Variants in TTC28 observed in about 807,000 individuals in gnomAD.
TTC28 encodes the protein tetratricopeptide repeat protein 28.
In TTC28, 61 loss-of-function variants were observed where a neutral mutation model predicts 198.0. The ratio of observed to expected loss-of-function variants is 0.31; its 90% confidence interval spans 0.25 to 0.38. The LOEUF is 0.38. Ranked by LOEUF, TTC28 falls within the 10% of genes least tolerant of loss-of-function variation. The pLI, the probability that TTC28 is intolerant of heterozygous loss-of-function variation, is 1.00. For synonymous variants in TTC28, 1,171 were observed against 1,297.8 expected, an observed-to-expected ratio of 0.90 and a Z score of 2.10; for missense variants, 2,678 against 3,164.0, an observed-to-expected ratio of 0.85 and a Z score of 3.69.
rs1569083439 is a variant in TTC28, at chr22:28,014,295, G to A, written c.4171C>T (p.Pro1391Ser). The change falls in exon 14 of 23, where the codon CCC (proline) becomes TCC (serine). Residue 1391 changes from proline (P) to serine (S), a missense_variant. By Grantham distance (74) the Pro-to-Ser change is moderately conservative (BLOSUM62 -1). Around this residue, in one of 8 missense-constraint regions of TTC28, gnomAD observed 727 missense variants for 861.9 expected, o/e 0.84. Coordinates refer to ENST00000397906, the MANE Select transcript of TTC28 (RefSeq NM_001145418.2). ...AGGTCATACAGGGCACGGAGCGGGG[G>A]CTTGGCAAACGAGCTCTGCCTCCTG... ...LPRRQSSFAK[P>S]PLRALYDLLI... 6.4e-7 allele frequency: 1 copy of A among 1,551,528 alleles called. No homozygotes were observed. Among genetic ancestry groups the A allele is most frequent in the Admixed American group, 2.0e-5 (1 of 50,976 alleles).
chr22:28,538,377 T>C (rs567470304), intron 2 of TTC28, among the ~76,000 whole-genome samples: 27 of 151,938 alleles, frequency 1.8e-4, no homozygotes, highest in African/African-American at 6.0e-4. Flanking sequence ...CATGAACCAC[T>C]GTGCCTGGCC....
chr22:28,659,449 A>G (rs1405978501), intron 1 of TTC28, among the ~76,000 whole-genome samples: 2 of 151,872 alleles, frequency 1.3e-5, no homozygotes, highest in Non-Finnish European at 2.9e-5. Context: ...TTGTGTTTTT[A>G]GTGGAGATGG....
intron 2 of TTC28, among the ~76,000 whole-genome samples, chr22:28,610,110 C>T (rs2050795863): frequency 6.6e-6 from 1 of 152,180 alleles, no homozygotes; most frequent in South Asian, 2.1e-4. Context: ...AGATAAAACC[C>T]CCATCTTCCT....
At chr22:28,644,226 T>C (rs1271807958) in intron 1 of TTC28, among the ~76,000 whole-genome samples, 3 of 150,822 alleles carry the variant, frequency 2.0e-5, no homozygotes, top group African/African-American at 7.3e-5. Flanking sequence ...GGTGAAACAC[T>C]GACTCTACTA....
intron 2 of TTC28, among the ~76,000 whole-genome samples, chr22:28,599,558 G>A (rs1252044267): frequency 6.6e-6 from 1 of 152,192 alleles, no homozygotes; most frequent in African/African-American, 2.4e-5. Flanking sequence ...GAAGGCCGAG[G>A]TGGGAGGATC....
At chr22:28,338,202 A>T (rs1017654571) in intron 2 of TTC28, among the ~76,000 whole-genome samples, 21 of 152,208 alleles carry the variant, frequency 1.4e-4, no homozygotes, top group Admixed American at 3.9e-4. Flanking sequence ...GTTTCTGTCG[A>T]GAGATCAGCT....
At chr22:28,676,709 T>C (rs2051995489) in intron 1 of TTC28, among the ~76,000 whole-genome samples, 1 of 150,682 alleles carries the variant, frequency 6.6e-6, no homozygotes, top group South Asian at 2.1e-4. Flanking sequence ...GAAACTCTAT[T>C]TTTTTATTAG....
intron 2 of TTC28, among the ~76,000 whole-genome samples, chr22:28,583,362 G>A (rs1480654643): frequency 1.3e-5 from 2 of 152,112 alleles, no homozygotes; most frequent in Admixed American, 6.5e-5. Context: ...AAAATAAATT[G>A]CACTGGGACA....
intron 5 of TTC28, among the ~76,000 whole-genome samples, chr22:28,206,578 T>A (rs1044437549): frequency 6.6e-6 from 1 of 152,202 alleles, no homozygotes; most frequent in East Asian, 1.9e-4. Context: ...ATCTGGTTAA[T>A]ATGTCCCTTG....
chr22:28,053,355 A>G (rs1940159194), intron 12 of TTC28, among the ~76,000 whole-genome samples: 1 of 152,254 alleles, frequency 6.6e-6, no homozygotes, highest in South Asian at 2.1e-4. Flanking sequence ...GATAGTGGCT[A>G]CTGAGAAATA....
intron 2 of TTC28, among the ~76,000 whole-genome samples, chr22:28,529,690 C>G (rs1432873292): frequency 1.3e-5 from 2 of 152,132 alleles, no homozygotes; most frequent in Non-Finnish European, 2.9e-5. Flanking sequence ...AGCCAGGTGC[C>G]CCTACGAGAC....
intron 2 of TTC28, among the ~76,000 whole-genome samples, chr22:28,353,127 A>G (rs1368100576): frequency 2.6e-5 from 4 of 152,190 alleles, no homozygotes; most frequent in Non-Finnish European, 5.9e-5. Flanking sequence ...ACAGAAAAGA[A>G]TACGTTGAGA....
At chr22:28,065,049 T>C (rs1225118705) in intron 12 of TTC28, among the ~76,000 whole-genome samples, 3 of 152,200 alleles carry the variant, frequency 2.0e-5, no homozygotes, top group Non-Finnish European at 4.4e-5. Flanking sequence ...TGGCTTTCCC[T>C]ATAGCATCCA....
chr22:28,631,535 T>A (rs1033457046), intron 1 of TTC28, among the ~76,000 whole-genome samples: 2 of 152,094 alleles, frequency 1.3e-5, no homozygotes, highest in Non-Finnish European at 2.9e-5. Context: ...TTTTTGTGGG[T>A]TTTTTTGAGA....
intron 2 of TTC28, among the ~76,000 whole-genome samples, chr22:28,598,926 T>C (rs1033986408): frequency 6.6e-6 from 1 of 152,224 alleles, no homozygotes; most frequent in East Asian, 1.9e-4. Flanking sequence ...ATTAGTGATG[T>C]GGTAGATTAC....
chr22:28,654,461 G>A (rs1046310763), intron 1 of TTC28, among the ~76,000 whole-genome samples: 4 of 152,062 alleles, frequency 2.6e-5, no homozygotes, highest in Admixed American at 1.3e-4. Flanking sequence ...CCAAGTATCC[G>A]GGATTACAGG....
chr22:28,488,204 T>C (rs1331408305), intron 2 of TTC28, among the ~76,000 whole-genome samples: 1 of 152,132 alleles, frequency 6.6e-6, no homozygotes, highest in African/African-American at 2.4e-5. Flanking sequence ...TTACTCAAGA[T>C]AGTCTACATG....
intron 12 of TTC28, among the ~76,000 whole-genome samples, chr22:28,056,971 A>T (rs1293288692): frequency 2.6e-5 from 4 of 152,208 alleles, no homozygotes; most frequent in Non-Finnish European, 5.9e-5. Flanking sequence ...TTGTATTTAC[A>T]GCTTCTTACT....
intron 12 of TTC28, among the ~76,000 whole-genome samples, chr22:28,083,872 C>A (rs573484518): frequency 2.0e-5 from 3 of 152,240 alleles, no homozygotes; most frequent in Admixed American, 1.3e-4. Flanking sequence ...ATATCCCGCA[C>A]CTGGCTCAGA....
Sources: gnomAD v4.1 joint callset for allele counts (sites outside exome capture counted in the v4.1 genomes callset) on GRCh38, gnomAD v4.1.1 for gene constraint, gnomAD v4.1.1 regional missense constraint, MANE v1.5 for transcripts, NCBI Gene and HGNC (gene_info 2026-07-23, HGNC 2026-07-21) for gene names.